Variants in NR3C2 observed in about 807,000 individuals in gnomAD.
The protein encoded by NR3C2 is nuclear receptor subfamily 3 group C member 2.
Under a neutral mutation model 86.4 loss-of-function variants are expected in NR3C2, and 15 were observed. That is an observed-to-expected ratio of 0.17 (90% CI 0.12 to 0.27). NR3C2 has a LOEUF of 0.27. NR3C2 is among the 10% of genes least tolerant of loss of function. The pLI, the probability that NR3C2 is intolerant of heterozygous loss-of-function variation, is 1.00. For synonymous variants in NR3C2, 458 were observed against 450.5 expected (o/e 1.02, Z -0.21); for missense variants, 960 against 1,195.6 (o/e 0.80, Z 2.91).
upstream of NR3C2, chr4:148,445,087 G>A: frequency 1.3e-6 from 1 of 798,720 alleles, no homozygotes; most frequent in Non-Finnish European, 1.5e-6. Flanking sequence ...AGGGGCGCCG[G>A]CAGCCGCCCT....
At chr4:148,400,497 G>A (rs1011844429) in intron 2 of NR3C2, among the ~76,000 whole-genome samples, 4 of 151,788 alleles carry the variant, frequency 2.6e-5, no homozygotes, top group African/African-American at 9.7e-5. Flanking sequence ...TTTAAAGACT[G>A]TGGCCAGGCA....
chr4:148,149,797 T>G (rs1734025715), intron 6 of NR3C2, among the ~76,000 whole-genome samples: 1 of 152,172 alleles, frequency 6.6e-6, no homozygotes, highest in Non-Finnish European at 1.5e-5. Context: ...CATAAGCATA[T>G]GAAAACATGT....
intron 4 of NR3C2, among the ~76,000 whole-genome samples, chr4:148,186,719 T>C (rs1471745814): frequency 7.2e-5 from 11 of 151,880 alleles, no homozygotes; most frequent in Non-Finnish European, 1.2e-4. Flanking sequence ...ATCCAAGCAG[T>C]ATACACTGCA....
intron 2 of NR3C2, among the ~76,000 whole-genome samples, chr4:148,410,436 C>T (rs1327413190): frequency 6.6e-6 from 1 of 152,192 alleles, no homozygotes; most frequent in Non-Finnish European, 1.5e-5. Flanking sequence ...TTTCTCAAAT[C>T]TTCAGTTCAC....
chr4:148,413,270 G>A (rs1748802227), intron 2 of NR3C2, among the ~76,000 whole-genome samples: 2 of 152,104 alleles, frequency 1.3e-5, no homozygotes, highest in South Asian at 4.1e-4. Flanking sequence ...TTATTTTAGA[G>A]GATGGTGGTA....
At chr4:148,312,449 C>T (rs1204822581) in intron 2 of NR3C2, among the ~76,000 whole-genome samples, 1 of 152,170 alleles carries the variant, frequency 6.6e-6, no homozygotes, top group Non-Finnish European at 1.5e-5. Flanking sequence ...TCTTTCCCTG[C>T]AGCCAGCCAG....
At chr4:148,304,717 G>A (rs1156699198) in intron 2 of NR3C2, among the ~76,000 whole-genome samples, 1 of 152,126 alleles carries the variant, frequency 6.6e-6, no homozygotes, top group Non-Finnish European at 1.5e-5. Context: ...AAGGGAACCT[G>A]CTCAGGGCCT....
intron 2 of NR3C2, among the ~76,000 whole-genome samples, chr4:148,263,331 C>T (rs115699813): frequency 0.011 from 1,725 of 152,282 alleles, 28 homozygotes; most frequent in African/African-American, 0.04. Context: ...CAGGTTCAAA[C>T]CTTGTACTCT....
At chr4:148,319,561 G>A (rs1384582441) in intron 2 of NR3C2, among the ~76,000 whole-genome samples, 1 of 148,722 alleles carries the variant, frequency 6.7e-6, no homozygotes, top group Non-Finnish European at 1.5e-5. Context: ...CTTGAGCAGT[G>A]GTTTGTAGTT....
chr4:148,285,587 G>A (rs1233942845), intron 2 of NR3C2, among the ~76,000 whole-genome samples: 1 of 152,016 alleles, frequency 6.6e-6, no homozygotes, highest in Non-Finnish European at 1.5e-5. Flanking sequence ...TGCGCCTGTA[G>A]TCCCAGCTAC....
chr4:148,099,260 GCCAAGAGTGGGACTGCAAGGCCACACCC>G (rs1731430095), intron 8 of NR3C2, among the ~76,000 whole-genome samples: 1 of 152,184 alleles, frequency 6.6e-6, no homozygotes, highest in African/African-American at 2.4e-5. Context: ...AGAATATTAT[GCCAAGAGTGGGACTGCAAGGCCACACCC>G]CCATGACACT....
intron 7 of NR3C2, among the ~76,000 whole-genome samples, chr4:148,119,619 C>T (rs1053920957): frequency 6.6e-6 from 1 of 152,114 alleles, no homozygotes; most frequent in Non-Finnish European, 1.5e-5. Flanking sequence ...AAGCCCATCT[C>T]TACTAAAAAT....
intron 3 of NR3C2, among the ~76,000 whole-genome samples, chr4:148,200,778 G>A (rs1736680916): frequency 1.3e-5 from 2 of 152,080 alleles, no homozygotes; most frequent in African/African-American, 4.8e-5. Flanking sequence ...AGCTGTTATC[G>A]CTGTATTTCT....
intron 2 of NR3C2, among the ~76,000 whole-genome samples, chr4:148,351,406 G>A (rs982951236): frequency 1.3e-5 from 2 of 152,170 alleles, no homozygotes; most frequent in Non-Finnish European, 2.9e-5. Flanking sequence ...GCCTCCCAAA[G>A]TGCTGGGATT....
At chr4:148,298,975 A>G (rs1742196058) in intron 2 of NR3C2, among the ~76,000 whole-genome samples, 2 of 152,198 alleles carry the variant, frequency 1.3e-5, no homozygotes, top group African/African-American at 4.8e-5. Flanking sequence ...AATGGGGTGG[A>G]GCCACCAGGA....
At chr4:148,302,823 G>C (rs888091180) in intron 2 of NR3C2, among the ~76,000 whole-genome samples, 1 of 142,814 alleles carries the variant, frequency 7.0e-6, no homozygotes, top group African/African-American at 2.7e-5. Context: ...TCCAGCCTGG[G>C]CTACAAGAGC....
intron 6 of NR3C2, among the ~76,000 whole-genome samples, chr4:148,150,108 G>A (rs111612866): frequency 6.6e-5 from 10 of 152,276 alleles, no homozygotes; most frequent in Admixed American, 5.9e-4. Context: ...TCAGTGCAAC[G>A]TTATTCATAA....
At chr4:148,407,174 C>T (rs539791321) in intron 2 of NR3C2, among the ~76,000 whole-genome samples, 1 of 152,178 alleles carries the variant, frequency 6.6e-6, no homozygotes, top group African/African-American at 2.4e-5. Flanking sequence ...AACAACTGTC[C>T]AGAGCCAGAA....
At chr4:148,396,692 A>G (rs1278343311) in intron 2 of NR3C2, among the ~76,000 whole-genome samples, 1 of 152,206 alleles carries the variant, frequency 6.6e-6, no homozygotes, top group East Asian at 1.9e-4. Context: ...AAAGTTCCTT[A>G]ATTCATTTAA....
Sources: allele counts gnomAD v4.1 joint callset (sites outside exome capture counted in the v4.1 genomes callset), GRCh38; gene constraint gnomAD v4.1.1; transcripts MANE v1.5; gene names NCBI Gene and HGNC (gene_info 2026-07-23, HGNC 2026-07-21).